Variants in GRIA1 observed in about 807,000 individuals in gnomAD.
GRIA1 encodes glutamate ionotropic receptor AMPA type subunit 1.
A neutral mutation model predicts 99.2 loss-of-function variants in GRIA1; 31 were observed. The observed-to-expected ratio is 0.31, with a 90% CI of 0.23 to 0.42. GRIA1 has a LOEUF of 0.42. Among genes scored for constraint, GRIA1 ranks in the 10% least tolerant of loss-of-function variants. GRIA1 has a pLI of 1.00. For synonymous variants in GRIA1, 438 were observed against 432.4 expected (o/e 1.01, Z -0.16); for missense variants, 782 against 1,157.5 (o/e 0.68, Z 4.71).
chr5:153,762,793 A>G (rs920133186), intron 11 of GRIA1, among the ~76,000 whole-genome samples: 1 of 152,260 alleles, frequency 6.6e-6, no homozygotes, highest in African/African-American at 2.4e-5. Context: ...AAACACTCTC[A>G]CTCTCAGGAT....
intron 5 of GRIA1, among the ~76,000 whole-genome samples, chr5:153,658,136 C>G (rs995612737): frequency 6.6e-6 from 1 of 152,120 alleles, no homozygotes; most frequent in Non-Finnish European, 1.5e-5. Context: ...AGTATTCAGG[C>G]CTTTTCTATA....
intron 2 of GRIA1, among the ~76,000 whole-genome samples, chr5:153,536,392 T>TTATCGTAGATAAGGTACGGTAGAATATA (rs1758575885): frequency 6.6e-6 from 1 of 152,264 alleles, no homozygotes; most frequent in African/African-American, 2.4e-5. Context: ...ATTATATCCC[T>TTATCGTAGATAAGGTACGGTAGAATATA]TATCATTCTG....
At chr5:153,679,253 A>G (rs963225679) in intron 7 of GRIA1, among the ~76,000 whole-genome samples, 2 of 152,098 alleles carry the variant, frequency 1.3e-5, no homozygotes, top group South Asian at 4.1e-4. Flanking sequence ...CTATGGAGAA[A>G]AAGAGAGGAA....
At chr5:153,640,545 T>C (rs1292249220) in intron 2 of GRIA1, among the ~76,000 whole-genome samples, 3 of 152,254 alleles carry the variant, frequency 2.0e-5, no homozygotes, top group Admixed American at 6.5e-5. Context: ...TTGGATAAAG[T>C]GGTCCCTCTA....
At chr5:153,632,207 G>A (rs1199488052) in intron 2 of GRIA1, among the ~76,000 whole-genome samples, 1 of 152,192 alleles carries the variant, frequency 6.6e-6, no homozygotes, top group Non-Finnish European at 1.5e-5. Context: ...AAGTGACAAA[G>A]GCAAGTGATA....
intron 5 of GRIA1, 81 bp downstream of exon 5, chr5:153,655,953 T>A (rs1469097147): frequency 1.6e-6 from 2 of 1,221,904 alleles, no homozygotes; most frequent in Non-Finnish European, 2.4e-6. Flanking sequence ...CCCTGGCTGA[T>A]GTGAACTGAG....
At chr5:153,627,920 C>CGG (rs79909429) in intron 2 of GRIA1, among the ~76,000 whole-genome samples, 2 of 151,804 alleles carry the variant, frequency 1.3e-5, no homozygotes, top group East Asian at 1.9e-4. Context: ...ATCAGGCAGA[C>CGG]AGAGATTCCT....
At chr5:153,606,065 C>T (rs945057769) in intron 2 of GRIA1, among the ~76,000 whole-genome samples, 3 of 151,980 alleles carry the variant, frequency 2.0e-5, no homozygotes, top group Non-Finnish European at 2.9e-5. Flanking sequence ...TTTTGGTGGC[C>T]TTATGTTTTT....
intron 11 of GRIA1, among the ~76,000 whole-genome samples, chr5:153,747,378 G>GC (rs1762226099): frequency 6.6e-6 from 1 of 152,110 alleles, no homozygotes; most frequent in Admixed American, 6.5e-5. Context: ...AAAGGGATTT[G>GC]CCCCCATGAC....
chr5:153,529,583 G>T (rs1030314059), intron 2 of GRIA1, among the ~76,000 whole-genome samples: 1 of 152,170 alleles, frequency 6.6e-6, no homozygotes, highest in African/African-American at 2.4e-5. Flanking sequence ...TGGTTTTGAT[G>T]AACAGATAAG....
chr5:153,593,266 C>G (rs1234308202), intron 2 of GRIA1, among the ~76,000 whole-genome samples: 1 of 151,860 alleles, frequency 6.6e-6, no homozygotes, highest in East Asian at 1.9e-4. Flanking sequence ...AATTCCATCT[C>G]AAAAAAATAA....
intron 11 of GRIA1, among the ~76,000 whole-genome samples, chr5:153,732,655 G>A (rs148333978): frequency 0.018 from 1,328 of 73,428 alleles, 7 homozygotes; most frequent in South Asian, 0.044. Context: ...GTTTGCAAAT[G>A]TTTTCTCCAA....
chr5:153,532,781 G>A (rs987430960), intron 2 of GRIA1, among the ~76,000 whole-genome samples: 5 of 152,168 alleles, frequency 3.3e-5, no homozygotes, highest in South Asian at 2.1e-4. Context: ...CAATACCTGC[G>A]GTCAAACATC....
At chr5:153,588,124 T>C (rs1340019111) in intron 2 of GRIA1, among the ~76,000 whole-genome samples, 1 of 152,132 alleles carries the variant, frequency 6.6e-6, no homozygotes, top group African/African-American at 2.4e-5. Flanking sequence ...GAAAAGCAGG[T>C]TGGTTTGGAT....
At chr5:153,531,845 G>C (rs1758124005) in intron 2 of GRIA1, among the ~76,000 whole-genome samples, 1 of 152,074 alleles carries the variant, frequency 6.6e-6, no homozygotes, top group South Asian at 2.1e-4. Context: ...ACCTCATAAG[G>C]AAATACCATT....
intron 4 of GRIA1, 42 bp downstream of exon 4, chr5:153,650,556 A>G: frequency 6.3e-7 from 1 of 1,579,790 alleles, no homozygotes; most frequent in Non-Finnish European, 8.6e-7. Context: ...GCGGGAGGTG[A>G]TTCAGGAATA....
intron 2 of GRIA1, among the ~76,000 whole-genome samples, chr5:153,616,450 C>A (rs562078332): frequency 1.5e-4 from 23 of 151,466 alleles, no homozygotes; most frequent in East Asian, 5.8e-4. Context: ...ATAAAATACA[C>A]CAACATCAAT....
chr5:153,673,229 T>A (rs2149483939), intron 5 of GRIA1, among the ~76,000 whole-genome samples: 1 of 152,300 alleles, frequency 6.6e-6, no homozygotes, highest in Non-Finnish European at 1.5e-5. Context: ...GACACAGGCA[T>A]CACTTCACTC....
chr5:153,607,738 T>C (rs1311147402), intron 2 of GRIA1, among the ~76,000 whole-genome samples: 1 of 152,090 alleles, frequency 6.6e-6, no homozygotes, highest in African/African-American at 2.4e-5. Context: ...TAACTGCTAA[T>C]GTACATGTTA....
Sources: allele counts gnomAD v4.1 joint callset (sites outside exome capture counted in the v4.1 genomes callset), GRCh38; gene constraint gnomAD v4.1.1; transcripts MANE v1.5; gene names NCBI Gene and HGNC (gene_info 2026-07-23, HGNC 2026-07-21).